Variants in SLC2A14 observed in about 807,000 individuals in gnomAD.
SLC2A14 encodes the protein solute carrier family 2 member 14, also known as solute carrier family 2, facilitated glucose transporter member 14.
In SLC2A14, 13 loss-of-function variants were observed where a neutral mutation model predicts 43.0. The ratio of observed to expected loss-of-function variants is 0.30; its 90% CI spans 0.20 to 0.48. The LOEUF (loss-of-function observed/expected upper bound fraction) is 0.48. Ranked by LOEUF, SLC2A14 falls within the 20% of genes least tolerant of loss-of-function variation. The pLI is 0.99. For missense variants in SLC2A14, 428 were observed against 620.4 expected (o/e 0.69, Z 3.29); for synonymous variants, 190 against 233.8 (o/e 0.81, Z 1.71).
intron 2 of SLC2A14, among the ~76,000 whole-genome samples, chr12:7,859,953 A>G (rs940464763): frequency 3.3e-5 from 5 of 152,162 alleles, no homozygotes; most frequent in African/African-American, 9.7e-5. Flanking sequence ...ATAGACTTGG[A>G]AAGATAATTC....
At chr12:7,873,029 A>C, upstream of SLC2A14, 1 of 985,650 alleles carries the variant, frequency 1.0e-6, no homozygotes, top group Non-Finnish European at 1.2e-6. Flanking sequence ...CTGCGGTCAG[A>C]GCAGGGGTCC....
In SLC2A14 at chr12:7,885,099, A is replaced by G. The variant is rs768612581; in HGVS notation, c.132+5897T>C. Among the ~76,000 whole-genome samples the G allele has an allele frequency of 2.6e-4, 40 of 152,220 alleles. 1 individual carries two copies. Among genetic ancestry groups the G allele is most frequent in the Non-Finnish European group, 4.9e-4 (33 of 68,040 alleles). On this transcript the variant is annotated intron_variant, in intron 1 of 9. Transcript: ENST00000539924. Reference sequence around the variant, plus strand: ...CCTTGAATATTAAAAGCCTTTAGTTAGAGTACAATCTGACAAATCCAAAGC... The same window carrying G: ...CCTTGAATATTAAAAGCCTTTAGTTGGAGTACAATCTGACAAATCCAAAGC...
At chr12:7,842,830 G>C (rs1866091192) in intron 2 of SLC2A14, among the ~76,000 whole-genome samples, 1 of 151,598 alleles carries the variant, frequency 6.6e-6, no homozygotes, top group Non-Finnish European at 1.5e-5. Flanking sequence ...CCGCGTTCAA[G>C]TGATTCTCCT....
chr12:7,872,788 G>C lies in SLC2A14; in HGVS notation c.-58+19C>G. 1.0e-6 allele frequency: 1 copy of C among 985,496 alleles called. No individual in the cohort carries two copies. Among genetic ancestry groups the C allele is most frequent in the Non-Finnish European group, 1.2e-6 (1 of 830,050 alleles). The allele number at this position is 985,496 out of a possible 1,614,324, so 61.0% of individuals were successfully genotyped here. ...CATTCCCGCACCCCCCGGCCGCAGGGACGGCGCGGCGCACCCACCTCCCAG... is the reference window on the plus strand; with the variant it reads ...CATTCCCGCACCCCCCGGCCGCAGGCACGGCGCGGCGCACCCACCTCCCAG... On this transcript the variant is annotated intron_variant, in intron 1 of 10. Coordinates refer to ENST00000431042, the MANE Select transcript of SLC2A14 (RefSeq NM_001286234.2).
chr12:7,838,276 CAG>C (rs1381691724), intron 2 of SLC2A14, among the ~76,000 whole-genome samples: 3 of 151,050 alleles, frequency 2.0e-5, no homozygotes, highest in Non-Finnish European at 4.4e-5. Flanking sequence ...TTAGTAGAGA[CAG>C]GGTTTCACCA....
chr12:7,825,706 G>A (rs1250203666), intron 7 of SLC2A14, among the ~76,000 whole-genome samples: 13 of 148,136 alleles, frequency 8.8e-5, no homozygotes, highest in Admixed American at 7.5e-4. Context: ...AGGTTGCAGT[G>A]AGCCAAGATT....
intron 1 of SLC2A14, among the ~76,000 whole-genome samples, chr12:7,881,436 G>A (rs1181842319): frequency 2.6e-5 from 4 of 152,046 alleles, no homozygotes; most frequent in African/African-American, 7.2e-5. Context: ...GCCAGCGGCT[G>A]CGGAGGGTGT....
intron 1 of SLC2A14, among the ~76,000 whole-genome samples, chr12:7,886,626 T>C (rs920008357): frequency 6.6e-5 from 10 of 152,236 alleles, no homozygotes; most frequent in African/African-American, 1.9e-4. Context: ...TCAGTAGTTA[T>C]GGTGTTCATC....
At chr12:7,882,409 A>G (rs780738963) in intron 1 of SLC2A14, among the ~76,000 whole-genome samples, 1 of 151,728 alleles carries the variant, frequency 6.6e-6, no homozygotes, top group African/African-American at 2.4e-5. Context: ...TGTAACACTA[A>G]CCGCGAGGGT....
chr12:7,851,961 G>C (rs1866971638), intron 2 of SLC2A14, among the ~76,000 whole-genome samples: 1 of 152,162 alleles, frequency 6.6e-6, no homozygotes, highest in Non-Finnish European at 1.5e-5. Flanking sequence ...CTGGTGACGG[G>C]ACAGTGACTT....
At chr12:7,822,062 G>A (rs1236229092) in intron 7 of SLC2A14, among the ~76,000 whole-genome samples, 3 of 151,714 alleles carry the variant, frequency 2.0e-5, no homozygotes, top group African/African-American at 7.3e-5. Context: ...CTGACCTCAT[G>A]ATCCGCCCGC....
At chr12:7,872,230 C>G (rs1945272419) in intron 1 of SLC2A14, 1 of 152,160 alleles carries the variant, frequency 6.6e-6, no homozygotes, top group Non-Finnish European at 1.5e-5. Context: ...TTTCATCTTG[C>G]ACAAATCTAC....
chr12:7,815,304 TA>T (rs1209617619), intron 10 of SLC2A14, among the ~76,000 whole-genome samples: 3 of 151,628 alleles, frequency 2.0e-5, no homozygotes, highest in Non-Finnish European at 1.5e-5. Flanking sequence ...TAATCCTAGC[TA>T]CTCAGGAGGC....
At chr12:7,828,258 G>A (rs899460492) in intron 6 of SLC2A14, among the ~76,000 whole-genome samples, 2 of 152,006 alleles carry the variant, frequency 1.3e-5, no homozygotes, top group East Asian at 1.9e-4. Context: ...CCAGCTACTC[G>A]GGAGGCTAAG....
At position 7,822,582 on chromosome 12, in the gene SLC2A14, T is replaced by C. The variant is rs977037065; in HGVS notation, c.865-1257A>G. ...TACTGGGGAGGCTGAGGCAGGAGAA[T>C]GGCGTGAACCTGGGAGGCAGAGCTT... On this transcript the variant is annotated intron_variant, in intron 7 of 10. Coordinates refer to ENST00000431042, the MANE Select transcript of SLC2A14 (RefSeq NM_001286234.2). 9.5e-4 allele frequency among the ~76,000 whole-genome samples: 141 copies of C among 148,160 alleles called. 2 individuals carry two copies. Among genetic ancestry groups the C allele is most frequent in the Non-Finnish European group, 2.5e-4 (17 of 67,586 alleles).
intron 2 of SLC2A14, among the ~76,000 whole-genome samples, chr12:7,855,842 AGCC>A (rs1867321585): frequency 6.6e-6 from 1 of 151,658 alleles, no homozygotes; most frequent in African/African-American, 2.4e-5. Flanking sequence ...TCACCATGTT[AGCC>A]AGGATGGTCT....
chr12:7,891,182 C>G, upstream of SLC2A14: 1 of 1,503,108 alleles, frequency 6.7e-7, no homozygotes, highest in South Asian at 1.3e-5. Flanking sequence ...CAGTGCAGAC[C>G]CAGGAGCAGA....
chr12:7,881,075 G>T (rs1027831847), intron 1 of SLC2A14, among the ~76,000 whole-genome samples: 1 of 152,166 alleles, frequency 6.6e-6, no homozygotes, highest in African/African-American at 2.4e-5. Flanking sequence ...GGAGGCGGAG[G>T]TTGCAGTAAG....
intron 7 of SLC2A14, 94 bp downstream of exon 7, chr12:7,827,401 G>T: frequency 6.7e-7 from 1 of 1,481,950 alleles, no homozygotes; most frequent in South Asian, 1.3e-5. Flanking sequence ...TCAGCCTCCT[G>T]AGTAGCTGGG....
Sources: allele counts gnomAD v4.1 joint callset (sites outside exome capture counted in the v4.1 genomes callset), GRCh38; gene constraint gnomAD v4.1.1; transcripts MANE v1.5; gene names NCBI Gene and HGNC (gene_info 2026-07-23, HGNC 2026-07-21).